ACOXL: variants seen among roughly 807,000 people sequenced by gnomAD.
ACOXL encodes acyl-CoA oxidase like.
A neutral mutation model predicts 71.9 loss-of-function variants in ACOXL; 70 were observed. That is an observed-to-expected ratio of 0.97 (90% confidence interval 0.80 to 1.19). The LOEUF (loss-of-function observed/expected upper bound fraction) is 1.19. Among genes scored for constraint, ACOXL ranks in the 50% most tolerant of loss-of-function variants. ACOXL has a pLI of 0.00. For synonymous variants in ACOXL, 253 were observed against 281.6 expected, an observed-to-expected ratio of 0.90 and a Z score of 1.02; for missense variants, 703 against 736.3, an observed-to-expected ratio of 0.95 and a Z score of 0.52.
chr2:111,070,612 T>G (rs2067296655), intron 16 of ACOXL, among the ~76,000 whole-genome samples: 2 of 152,002 alleles, frequency 1.3e-5, no homozygotes, highest in Non-Finnish European at 2.9e-5. Context: ...TTACCTATAT[T>G]ACAAACCTGC....
rs1480171210 is a variant in ACOXL at position 110,885,308 on chromosome 2, A to G, written c.789-23481A>G. Among the ~76,000 whole-genome samples, 4 of 152,296 alleles carry G rather than the reference A, an allele frequency of 2.6e-5. No homozygotes were observed. The East Asian group carries it at 7.7e-4, about 29-fold the overall frequency. ...CCTTAAAACAACAAAAAAAGCAGCT[A>G]TTCCTCTTGATGAAAGACTTCAAAA... On this transcript the variant is annotated intron_variant, in intron 10 of 17. Coordinates refer to ENST00000439055, the MANE Select transcript of ACOXL (RefSeq NM_001142807.4).
chr2:110,761,454 G>A lies in ACOXL; in HGVS notation c.-22-6914G>A, dbSNP rs376247649. 2.0e-5 allele frequency among the ~76,000 whole-genome samples: 3 copies of A among 152,124 alleles called. No individual in the cohort carries two copies. In the East Asian group the frequency reaches 5.8e-4, roughly 29 times the overall value. The stretch of plus-strand genomic sequence containing the variant: ...ACCTGAGGTTATGCTTTCTCCTTAG[G>A]AATACCCTGCAATCAATGACTAACT... On this transcript the variant is annotated intron_variant, in intron 1 of 17. Transcript: ENST00000439055.
intron 9 of ACOXL, among the ~76,000 whole-genome samples, chr2:110,829,638 C>G (rs1689587395): frequency 6.6e-6 from 1 of 152,158 alleles, no homozygotes; most frequent in South Asian, 2.1e-4. Context: ...GTACTCTTGT[C>G]TAGTTGTGCC....
At chr2:110,933,692 A>C in intron 12 of ACOXL, 50 bp downstream of exon 12, 1 of 1,561,116 alleles carries the variant, frequency 6.4e-7, no homozygotes. Context: ...TACAACCCAC[A>C]CTGGGGGAGC....
At chr2:110,889,974 A>G (rs964790134) in intron 10 of ACOXL, among the ~76,000 whole-genome samples, 2 of 152,164 alleles carry the variant, frequency 1.3e-5, no homozygotes, top group African/African-American at 4.8e-5. Flanking sequence ...CATACTTGCT[A>G]TTATCTGCCT....
chr2:110,771,224 G>A (rs555046306), intron 2 of ACOXL, among the ~76,000 whole-genome samples: 6 of 152,266 alleles, frequency 3.9e-5, no homozygotes, highest in Non-Finnish European at 7.3e-5. Flanking sequence ...CATGAGACTC[G>A]GCAGCACATC....
intron 10 of ACOXL, among the ~76,000 whole-genome samples, chr2:110,858,407 T>C (rs1693532267): frequency 1.3e-5 from 2 of 152,156 alleles, no homozygotes; most frequent in Admixed American, 6.5e-5. Context: ...ATTTCCCTTC[T>C]CACGCTGATG....
chr2:111,050,412 G>A (rs898517119), intron 16 of ACOXL, among the ~76,000 whole-genome samples: 2 of 152,198 alleles, frequency 1.3e-5, no homozygotes, highest in South Asian at 4.1e-4. Context: ...GCACATGGGC[G>A]TTTCTTGTTT....
chr2:111,048,873 C>A (rs941624682), intron 15 of ACOXL, among the ~76,000 whole-genome samples: 1 of 152,048 alleles, frequency 6.6e-6, no homozygotes, highest in African/African-American at 2.4e-5. Flanking sequence ...CAGGTGGAGT[C>A]TTCTCAATGA....
At chr2:110,771,403 C>G (rs1308550379) in intron 2 of ACOXL, among the ~76,000 whole-genome samples, 1 of 152,116 alleles carries the variant, frequency 6.6e-6, no homozygotes, top group Admixed American at 6.6e-5. Context: ...TTTCCCTGGA[C>G]CCCCCTTTCA....
At chr2:110,963,625 G>T in intron 12 of ACOXL, 1 of 1,613,036 alleles carries the variant, frequency 6.2e-7, no homozygotes, top group Middle Eastern at 1.7e-4. Context: ...CTGCAACAGG[G>T]TTACATGATG....
At position 110,995,971 on chromosome 2, in the gene ACOXL, T is replaced by C. The variant is rs370982515; in HGVS notation, c.1248T>C (p.Leu416=). 1.3e-6 allele frequency: 2 copies of C among 1,590,802 alleles called. No individual in the cohort carries two copies. The highest frequency in any genetic ancestry group is 3.6e-5 in the African/African-American group (2 of 55,716). The change falls in exon 14 of 18, where the codon CTT becomes CTC. Residue 416 remains leucine (L), a synonymous_variant. Transcript: ENST00000439055. The part of the protein sequence containing the change: ...LKAVKFRERV[L]QRGLVARIYY... ...CAGTGAAATTTCGTGAAAGGGTTCT[T>C]CAGCGGGGTTTGGTGGCCAGAATTT...
chr2:110,894,228 CA>C (rs1262728508), intron 10 of ACOXL, among the ~76,000 whole-genome samples: 1 of 150,614 alleles, frequency 6.6e-6, no homozygotes, highest in Non-Finnish European at 1.5e-5. Flanking sequence ...AAGGTGGAGA[CA>C]AGAATGATGC....
At chr2:110,839,133 T>C (rs11676793) in intron 9 of ACOXL, among the ~76,000 whole-genome samples, 1 of 139,966 alleles carries the variant, frequency 7.1e-6, no homozygotes, top group South Asian at 2.1e-4. Flanking sequence ...TTTTTCTGTG[T>C]TTTTTTTTTT....
At chr2:110,905,163 A>G (rs1258080202) in intron 10 of ACOXL, among the ~76,000 whole-genome samples, 1 of 152,128 alleles carries the variant, frequency 6.6e-6, no homozygotes, top group Non-Finnish European at 1.5e-5. Flanking sequence ...GGGAAAAGCA[A>G]CTTCCTGCTT....
At chr2:110,929,758 G>A (rs2060412326) in intron 11 of ACOXL, among the ~76,000 whole-genome samples, 1 of 152,224 alleles carries the variant, frequency 6.6e-6, no homozygotes, top group African/African-American at 2.4e-5. Context: ...CCCAGCTGCT[G>A]TAGCGATGGC....
chr2:111,062,644 G>T (rs550172314), intron 16 of ACOXL, among the ~76,000 whole-genome samples: 2 of 152,112 alleles, frequency 1.3e-5, no homozygotes, highest in South Asian at 4.1e-4. Context: ...AATACAACAC[G>T]TCAAATTGGT....
At chr2:110,953,664 A>C (rs577583655) in intron 12 of ACOXL, among the ~76,000 whole-genome samples, 1 of 152,264 alleles carries the variant, frequency 6.6e-6, no homozygotes, top group East Asian at 1.9e-4. Context: ...TGCTATAAAG[A>C]ACTACCTGAG....
At chr2:110,746,586 C>T (rs552636766) in intron 1 of ACOXL, among the ~76,000 whole-genome samples, 56 of 152,078 alleles carry the variant, frequency 3.7e-4, no homozygotes, top group Non-Finnish European at 7.4e-4. Context: ...TCCACATGTA[C>T]GTCGAATGGA....
Sources: allele counts gnomAD v4.1 joint callset (sites outside exome capture counted in the v4.1 genomes callset), GRCh38; gene constraint gnomAD v4.1.1; transcripts MANE v1.5; gene names NCBI Gene and HGNC (gene_info 2026-07-23, HGNC 2026-07-21).